Variants in ARHGEF10 observed in about 807,000 individuals in gnomAD.
ARHGEF10 encodes Rho guanine nucleotide exchange factor 10, also known as Rho guanine nucleotide exchange factor (GEF) 10.
A neutral mutation model predicts 147.4 loss-of-function variants in ARHGEF10; 140 were observed. The ratio of observed to expected loss-of-function variants is 0.95; its 90% CI spans 0.83 to 1.09. ARHGEF10 has a LOEUF of 1.09. Among genes scored for constraint, ARHGEF10 ranks in the 50% least tolerant of loss-of-function variants. ARHGEF10 has a pLI of 0.00. For missense variants in ARHGEF10, 2,222 were observed against 1,752.7 expected (o/e 1.27, Z -4.78); for synonymous variants, 902 against 695.8 (o/e 1.30, Z -4.67).
chr8:1,950,111 C>G lies in ARHGEF10; in HGVS notation c.3398-2594C>G, dbSNP rs560676046. 2.0e-5 allele frequency among the ~76,000 whole-genome samples: 3 copies of G among 152,160 alleles called. No individual in the cohort carries two copies. In the East Asian group the frequency reaches 5.8e-4, roughly 29 times the overall value. On this transcript the variant is annotated intron_variant, in intron 27 of 28. Transcript: ENST00000349830. Reference sequence around the variant, plus strand: ...AGTCAGTCCCACTTCACACGTGTAACCCATTTACCAACCTCACTGTGCAGC... The same window carrying G: ...AGTCAGTCCCACTTCACACGTGTAAGCCATTTACCAACCTCACTGTGCAGC...
intron 11 of ARHGEF10, among the ~76,000 whole-genome samples, chr8:1,891,424 A>G (rs917929820): frequency 7.2e-5 from 11 of 152,168 alleles, no homozygotes; most frequent in African/African-American, 2.4e-4. Flanking sequence ...GAAAAAGGCA[A>G]ATGTTCTTTT....
At chr8:1,944,150 C>G (rs1248361697) in intron 26 of ARHGEF10, among the ~76,000 whole-genome samples, 2 of 130,042 alleles carry the variant, frequency 1.5e-5, no homozygotes, top group African/African-American at 2.7e-5. Flanking sequence ...CGCATCGTGT[C>G]GCCTCCCTCG....
At chr8:1,892,702 G>A (rs113963205) in intron 11 of ARHGEF10, among the ~76,000 whole-genome samples, 2 of 64 alleles carry the variant, frequency 0.031, no homozygotes, top group Admixed American at 0.14. Context: ...ATATGGGGTG[G>A]GTGTGTACAG....
intron 26 of ARHGEF10, among the ~76,000 whole-genome samples, chr8:1,944,537 C>T (rs1814402684): frequency 6.6e-6 from 1 of 152,248 alleles, no homozygotes; most frequent in South Asian, 2.1e-4. Flanking sequence ...AGTCAGCAGT[C>T]TCCACCATGG....
chr8:1,902,155 C>T (rs553767159), intron 15 of ARHGEF10, among the ~76,000 whole-genome samples: 1 of 152,090 alleles, frequency 6.6e-6, no homozygotes, highest in Non-Finnish European at 1.5e-5. Context: ...CCCTCACCCC[C>T]CGCCCCGCAA....
Position 1,933,897 on chromosome 8 carries a change from C to T in ARHGEF10, c.3177C>T (p.Ser1059=), listed in dbSNP as rs556823147. The change falls in exon 26 of 29, where the codon TCC becomes TCT. Residue 1059 remains serine (S), a synonymous_variant. Coordinates refer to ENST00000349830, the MANE Select transcript of ARHGEF10 (RefSeq NM_014629.4). Reference sequence around the variant, plus strand: ...TGGAAGACACGTTGTGGGCGGCTTCCGGAGGTCAAGTCTTCATCATCAGTG... The same window carrying T: ...TGGAAGACACGTTGTGGGCGGCTTCTGGAGGTCAAGTCTTCATCATCAGTG... ...LMMEDTLWAA[S]GGQVFIISVE... 56 of 1,614,110 alleles carry T rather than the reference C, an allele frequency of 3.5e-5. No homozygotes were observed. Among genetic ancestry groups the T allele is most frequent in the African/African-American group, 1.5e-4 (11 of 75,004 alleles).
At chr8:1,833,408 ACAGAGG>A (rs1327672216) in intron 1 of ARHGEF10, among the ~76,000 whole-genome samples, 2 of 142,358 alleles carry the variant, frequency 1.4e-5, no homozygotes, top group Non-Finnish European at 3.1e-5. Context: ...AGAGACAGAG[ACAGAGG>A]CAGAGACAGA....
intron 11 of ARHGEF10, among the ~76,000 whole-genome samples, chr8:1,890,910 T>C (rs527999876): frequency 9.2e-5 from 14 of 152,316 alleles, no homozygotes; most frequent in African/African-American, 3.1e-4. Flanking sequence ...ATGGTTTCTG[T>C]AAAGGGTTTA....
chr8:1,952,596 G>A (rs1033747542), intron 27 of ARHGEF10, 109 bp from the exon 28 acceptor site: 16 of 1,457,386 alleles, frequency 1.1e-5, no homozygotes, highest in South Asian at 2.4e-5. Context: ...TGCCCCTGGC[G>A]GATTTGGTGG....
At chr8:1,867,304 T>G (rs1297864598) in intron 6 of ARHGEF10, among the ~76,000 whole-genome samples, 1 of 152,220 alleles carries the variant, frequency 6.6e-6, no homozygotes, top group East Asian at 1.9e-4. Context: ...AACTATTACT[T>G]AAAGGACAGA....
At chr8:1,915,101 A>G (rs1258602010) in intron 18 of ARHGEF10, among the ~76,000 whole-genome samples, 1 of 152,188 alleles carries the variant, frequency 6.6e-6, no homozygotes, top group Non-Finnish European at 1.5e-5. Context: ...CGGCGTGTTC[A>G]GTGCAGATGA....
Position 1,888,907 on chromosome 8 carries a change from G to GT in ARHGEF10, c.1182+3202dup, listed in dbSNP as rs151317104. The stretch of plus-strand genomic sequence containing the variant: ...TGAGGAGACACTGAGTTGGGTGAGG[G>GT]TTGTGAGGAGACAGTGGGGTGAGGG... On this transcript the variant is annotated intron_variant, in intron 11 of 28. Coordinates refer to ENST00000349830, the MANE Select transcript of ARHGEF10 (RefSeq NM_014629.4). Among the ~76,000 whole-genome samples, 21 of 61,800 alleles carry GT rather than the reference G, an allele frequency of 3.4e-4. No homozygotes were observed. The East Asian group carries it at 3.8e-3, about 11-fold the overall frequency. 40.5% of individuals were successfully genotyped at this position (61,800 alleles called of 152,430 possible).
At chr8:1,878,376 G>A (rs1174452376) in intron 8 of ARHGEF10, among the ~76,000 whole-genome samples, 18 of 151,964 alleles carry the variant, frequency 1.2e-4, no homozygotes, top group African/African-American at 4.4e-4. Context: ...TAGTAGAGAC[G>A]GGGTTTCACC....
Position 1,957,888 on chromosome 8 carries a change from G to A in ARHGEF10, c.*625G>A, listed in dbSNP as rs60260705. 0.083 allele frequency: 12,579 copies of A among 152,212 alleles called. 1,397 individuals are homozygous for A. The highest frequency in any genetic ancestry group is 0.26 in the African/African-American group (10,640 of 41,488). 9.4% of individuals were successfully genotyped at this position (152,212 alleles called of 1,614,324 possible). ...TTTAACAAAGTAATATTTTTGTATT[G>A]CATTTTTCTATTAAAAAATTAACAG... On this transcript the variant is annotated 3_prime_UTR_variant, in exon 29 of 29. Transcript: ENST00000349830.
Position 1,952,828 on chromosome 8 carries a change from G to A in ARHGEF10, c.3520+1G>A. On this transcript the variant is annotated splice_donor_variant, in intron 28 of 28. Transcript: ENST00000349830. LOFTEE classifies it high-confidence loss of function. ...CTGCAAGGGATTCCCAAAGTGACCG[G>A]TGAGTGGCACCTGCAGTCTGAGTGG... 6.2e-7 allele frequency: 1 copy of A among 1,613,882 alleles called. No individual in the cohort carries two copies. Among genetic ancestry groups the A allele is most frequent in the Non-Finnish European group, 8.5e-7 (1 of 1,180,052 alleles).
At chr8:1,915,846 A>G (rs771521054) in intron 18 of ARHGEF10, among the ~76,000 whole-genome samples, 9 of 152,244 alleles carry the variant, frequency 5.9e-5, no homozygotes, top group Non-Finnish European at 1.3e-4. Context: ...TGATGCCAAA[A>G]TACTCATTCT....
In ARHGEF10 at chr8:1,905,732, C is replaced by T. The variant is rs1250002324; in HGVS notation, c.1967+16C>T. On this transcript the variant is annotated intron_variant, in intron 17 of 28. Transcript: ENST00000349830. The stretch of plus-strand genomic sequence containing the variant: ...TCAGCTCACGGTAAGTGCATAAATT[C>T]TCTATAGTAGTCCTACCATCATCAC... The T allele has an allele frequency of 6.2e-7, 1 of 1,612,402 alleles. No homozygotes were observed. The highest frequency in any genetic ancestry group is 8.5e-7 in the Non-Finnish European group (1 of 1,180,002).
At chr8:1,922,685 G>C (rs548028693) in intron 18 of ARHGEF10, among the ~76,000 whole-genome samples, 1 of 152,280 alleles carries the variant, frequency 6.6e-6, no homozygotes, top group East Asian at 1.9e-4. Flanking sequence ...CGGATTTGAC[G>C]GTCATGATAC....
chr8:1,881,408 A>T (rs1808182878), intron 9 of ARHGEF10, among the ~76,000 whole-genome samples: 3 of 152,182 alleles, frequency 2.0e-5, no homozygotes. Flanking sequence ...GTTGAGAAAG[A>T]GCAGGATGTA....
Sources: allele counts gnomAD v4.1 joint callset (sites outside exome capture counted in the v4.1 genomes callset), GRCh38; gene constraint gnomAD v4.1.1; transcripts MANE v1.5; gene names NCBI Gene and HGNC (gene_info 2026-07-23, HGNC 2026-07-21).